The following CDKN2B-AS1 variants were observed in gnomAD, a reference collection of about 807,000 sequenced individuals.
CDKN2B-AS1 encodes CDKN2B and CDKN2A antisense cis and trans regulatory RNA 1.
At chr9:22,079,531 A>T (rs940882423) in intron 4 of CDKN2B-AS1, among the ~76,000 whole-genome samples, 2 of 151,786 alleles carry the variant, frequency 1.3e-5, no homozygotes, top group Non-Finnish European at 2.9e-5. Flanking sequence ...AAGGGAAAGA[A>T]AAAAAAGAAA....
At chr9:22,092,790 T>G (rs940662750) in intron 4 of CDKN2B-AS1, among the ~76,000 whole-genome samples, 1 of 151,936 alleles carries the variant, frequency 6.6e-6, no homozygotes, top group Non-Finnish European at 1.5e-5. Context: ...GATTCATTGA[T>G]TTTTTTGGAG....
intron 4 of CDKN2B-AS1, among the ~76,000 whole-genome samples, chr9:22,077,508 T>C (rs1194567849): frequency 2.0e-5 from 3 of 152,198 alleles, no homozygotes; most frequent in African/African-American, 7.2e-5. Context: ...ATCAGTTTAA[T>C]ATAAACAATT....
chr9:22,127,601 G>A (rs1219058911), exon 5 of CDKN2B-AS1, among the ~76,000 whole-genome samples: 1 of 152,132 alleles, frequency 6.6e-6, no homozygotes, highest in Non-Finnish European at 1.5e-5. Flanking sequence ...AACTTTGAGG[G>A]CAATGAGTGT....
chr9:22,012,316 C>G, intron 1 of CDKN2B-AS1: 1 of 1,457,366 alleles, frequency 6.9e-7, no homozygotes. Flanking sequence ...AGGATGGCCG[C>G]ACTCTCTCAG....
intron 4 of CDKN2B-AS1, among the ~76,000 whole-genome samples, chr9:22,060,807 A>G (rs1823785774): frequency 6.6e-6 from 1 of 152,220 alleles, no homozygotes; most frequent in African/African-American, 2.4e-5. Flanking sequence ...GGCAGTGGCA[A>G]GAGTAAAATG....
intron 1 of CDKN2B-AS1, among the ~76,000 whole-genome samples, chr9:22,011,468 A>G (rs1821506045): frequency 6.6e-6 from 1 of 152,230 alleles, no homozygotes; most frequent in Admixed American, 6.5e-5. Flanking sequence ...AGACAAGCCA[A>G]AAGGATCAGA....
chr9:22,002,762 A>G (rs1053832363), intron 1 of CDKN2B-AS1: 20 of 162,642 alleles, frequency 1.2e-4, no homozygotes, highest in African/African-American at 4.5e-4. Flanking sequence ...AAACTGTTTC[A>G]TTCCTTAGTT....
intron 4 of CDKN2B-AS1, among the ~76,000 whole-genome samples, chr9:22,122,768 T>C (rs1471041889): frequency 2.0e-5 from 3 of 152,210 alleles, no homozygotes; most frequent in African/African-American, 7.2e-5. Context: ...TCTGTTTTTA[T>C]ACCAGTACCA....
In CDKN2B-AS1 at chr9:22,039,010, A is replaced by G. The variant is rs1822799424; in HGVS notation, n.30-7741A>G. ...GAGAAAATTTCCAGTTAGGACATGG[A>G]AATTTTTTCCTTGTCAATATTTATT... On this transcript the variant is annotated intron_variant and non_coding_transcript_variant, in intron 1 of 4. Transcript: ENST00000650946. This position sits in a 1 kb window ranked among gnomAD's most constrained non-coding sequence, Gnocchi z 4.4. Among the ~76,000 whole-genome samples, 1 of 151,988 alleles carries G rather than the reference A, an allele frequency of 6.6e-6. No individual in the cohort carries two copies. The highest frequency in any genetic ancestry group is 2.1e-4 in the South Asian group (1 of 4,824).
At chr9:22,107,964 T>C (rs1160391015) in intron 4 of CDKN2B-AS1, among the ~76,000 whole-genome samples, 1 of 152,180 alleles carries the variant, frequency 6.6e-6, no homozygotes, top group Non-Finnish European at 1.5e-5. Context: ...CAGCCGTCAA[T>C]GGGAAAGTTA....
chr9:22,088,768 C>T (rs1025242622), intron 4 of CDKN2B-AS1, among the ~76,000 whole-genome samples: 1 of 152,112 alleles, frequency 6.6e-6, no homozygotes, highest in Non-Finnish European at 1.5e-5. Context: ...AGAAAATCAC[C>T]CAACCCTATA....
rs1200952231 is a variant in CDKN2B-AS1 at position 22,006,657 on chromosome 9, C to A, written n.29+11496C>A. 6.6e-6 allele frequency among the ~76,000 whole-genome samples: 1 copy of A among 152,128 alleles called. No individual in the cohort carries two copies. Among genetic ancestry groups the A allele is most frequent in the African/African-American group, 2.4e-5 (1 of 41,402 alleles). ...GCCTTGCTGACCCCTCCTCCATAATCCAGGTCTACAAATATTTATTAGGTA... is the reference window on the plus strand; with the variant it reads ...GCCTTGCTGACCCCTCCTCCATAATACAGGTCTACAAATATTTATTAGGTA... On this transcript the variant is annotated intron_variant and non_coding_transcript_variant, in intron 1 of 4. Transcript: ENST00000650946. The surrounding 1 kb of genome is among the most constrained non-coding windows in gnomAD (Gnocchi z 6.4).
intron 4 of CDKN2B-AS1, among the ~76,000 whole-genome samples, chr9:22,080,570 T>C (rs1331912144): frequency 6.7e-6 from 1 of 148,910 alleles, no homozygotes; most frequent in African/African-American, 2.4e-5. Context: ...TCAAACACAA[T>C]GGGAAATGTT....
intron 4 of CDKN2B-AS1, among the ~76,000 whole-genome samples, chr9:22,081,296 C>CTTTTTTTTTTTTTT (rs1824686256): frequency 9.1e-6 from 1 of 109,892 alleles, no homozygotes. Flanking sequence ...TTTTTTTTTA[C>CTTTTTTTTTTTTTT]ATTATAACTA....
At chr9:22,023,756 A>G (rs1343726989) in intron 1 of CDKN2B-AS1, among the ~76,000 whole-genome samples, 1 of 152,052 alleles carries the variant, frequency 6.6e-6, no homozygotes, top group Non-Finnish European at 1.5e-5. Context: ...AAACCTACAC[A>G]TTTTTGTGGC....
At chr9:22,098,347 T>A (rs1167620396) in intron 4 of CDKN2B-AS1, among the ~76,000 whole-genome samples, 1 of 151,500 alleles carries the variant, frequency 6.6e-6, no homozygotes, top group Non-Finnish European at 1.5e-5. Flanking sequence ...GCATTTATTT[T>A]AAAAAGAAAA....
intron 4 of CDKN2B-AS1, among the ~76,000 whole-genome samples, chr9:22,081,001 C>A (rs564480847): frequency 6.6e-6 from 1 of 152,312 alleles, no homozygotes; most frequent in Non-Finnish European, 1.5e-5. Flanking sequence ...AGTTTAATCT[C>A]CACTCCGACT....
chr9:22,012,372 T>C, intron 1 of CDKN2B-AS1: 1 of 989,104 alleles, frequency 1.0e-6, no homozygotes, highest in Non-Finnish European at 1.6e-6. Flanking sequence ...GTGCTGCACC[T>C]GCGAGGTGGC....
chr9:22,123,055 C>A (rs1361281214), intron 4 of CDKN2B-AS1, among the ~76,000 whole-genome samples: 2 of 152,032 alleles, frequency 1.3e-5, no homozygotes, highest in African/African-American at 4.8e-5. Flanking sequence ...GTTTTAGTTG[C>A]AGAGGTCTTT....
Sources: gnomAD v4.1 joint callset for allele counts (sites outside exome capture counted in the v4.1 genomes callset) on GRCh38, gnomAD v4.1.1 for gene constraint, Gnocchi (gnomAD v3.1) non-coding constraint, MANE v1.5 for transcripts, NCBI Gene and HGNC (gene_info 2026-07-23, HGNC 2026-07-21) for gene names.